ATP6AP2: variants seen among roughly 807,000 people sequenced by gnomAD.
ATP6AP2 encodes the protein ATPase H+ transporting accessory protein 2.
Under a neutral mutation model 23.4 loss-of-function variants are expected in ATP6AP2, and 1 was observed. The ratio of observed to expected loss-of-function variants is 0.04; its 90% CI spans 0.02 to 0.20. The LOEUF (loss-of-function observed/expected upper bound fraction) is 0.20, where lower values mean the gene tolerates loss of function less well. ATP6AP2 is among the 10% of genes least tolerant of loss of function. The pLI is 1.00. For missense variants in ATP6AP2, 174 were observed against 271.3 expected (o/e 0.64, Z 2.52); for synonymous variants, 90 against 97.1 (o/e 0.93, Z 0.43).
intron 1 of ATP6AP2, among the ~76,000 whole-genome samples, chrX:40,585,691 C>CA (rs1050291570): frequency 2.8e-5 from 3 of 108,996 alleles, no homozygotes; most frequent in East Asian, 5.8e-4. Flanking sequence ...CTGTCTCTAC[C>CA]AAAAAAATAC....
rs138952430 is a variant in ATP6AP2, at chrX:40,597,305, G to A, written c.357G>A (p.Glu119=). ...VANSIHSLFS[E]ETPVVLQLAP... is the part of the protein sequence containing the mutation. Reference sequence around the variant, plus strand: ...ATTCCATTCACTCCTTATTTTCTGAGGAAACTCCTGTTGTTTTGCAGTTGG... The same window carrying A: ...ATTCCATTCACTCCTTATTTTCTGAAGAAACTCCTGTTGTTTTGCAGTTGG... Residue 119 remains glutamate (E), a synonymous_variant, in exon 4 of 9, where the codon GAG becomes GAA. Coordinates refer to ENST00000636580, the MANE Select transcript of ATP6AP2 (RefSeq NM_005765.3). The A allele has an allele frequency of 2.5e-5, 30 of 1,205,884 alleles. No homozygotes were observed. In the African/African-American group the frequency reaches 5.1e-4, roughly 20 times the overall value.
In ATP6AP2 at chrX:40,603,672, A is replaced by T. The variant is rs148454706; in HGVS notation, c.859-1889A>T. 4.6e-3 allele frequency among the ~76,000 whole-genome samples: 505 copies of T among 110,536 alleles called. 4 individuals carry two copies. Among genetic ancestry groups the T allele is most frequent in the Middle Eastern group, 9.4e-3 (2 of 212 alleles). On this transcript the variant is annotated intron_variant, in intron 8 of 8. Transcript: ENST00000636580. Reference sequence around the variant, plus strand: ...GACTGCCGCCTCCTAACTTGTCTGAACTCATCTGTCTCTCTGCTTCCCAGC... The same window carrying T: ...GACTGCCGCCTCCTAACTTGTCTGATCTCATCTGTCTCTCTGCTTCCCAGC...
At chrX:40,602,627 G>A (rs1243565648) in intron 8 of ATP6AP2, among the ~76,000 whole-genome samples, 8 of 103,018 alleles carry the variant, frequency 7.8e-5, no homozygotes, top group African/African-American at 2.9e-4. Flanking sequence ...TCCAGCCTGG[G>A]TGACACAGTG....
At chrX:40,589,573 T>C (rs968363194) in intron 2 of ATP6AP2, 1 of 119,973 alleles carries the variant, frequency 8.3e-6, no homozygotes, top group African/African-American at 3.3e-5. Flanking sequence ...TTTTTTTTAG[T>C]ATAGGCGATA....
intron 6 of ATP6AP2, chrX:40,599,088 CAGTCA>C (rs1926841584): frequency 4.2e-6 from 1 of 239,382 alleles, no homozygotes; most frequent in Admixed American, 6.6e-5. Flanking sequence ...ATAATGCTGT[CAGTCA>C]AGTCAAGAAG....
At chrX:40,597,799 A>C in intron 5 of ATP6AP2, 135 bp downstream of exon 5, 1 of 662,901 alleles carries the variant, frequency 1.5e-6, no homozygotes, top group Non-Finnish European at 2.3e-6. Context: ...TGGCCTCCCA[A>C]AGTGCTGGGA....
chrX:40,605,808 A>G lies in ATP6AP2; in HGVS notation c.*53A>G. ...GGGGTTGGAAATTGGCTGTTTTGTT[A>G]AAATATATCTTTTAGTGTGCTTTAA... is the stretch of plus-strand genomic sequence containing the variant. On this transcript the variant is annotated 3_prime_UTR_variant, in exon 9 of 9. Transcript: ENST00000636580. The G allele has an allele frequency of 2.9e-6, 3 of 1,031,350 alleles. No homozygotes were observed. Among genetic ancestry groups the G allele is most frequent in the South Asian group, 3.8e-5 (2 of 52,498 alleles). 85.0% of individuals were successfully genotyped at this position (1,031,350 alleles called of 1,213,427 possible).
At chrX:40,588,254 C>T (rs1448780163) in intron 1 of ATP6AP2, among the ~76,000 whole-genome samples, 2 of 110,058 alleles carry the variant, frequency 1.8e-5, no homozygotes, top group African/African-American at 6.6e-5. Flanking sequence ...ACCCTCTTGA[C>T]ATGTCAACTA....
intron 3 of ATP6AP2, chrX:40,592,367 A>G (rs1315285461): frequency 8.9e-6 from 1 of 112,303 alleles, no homozygotes; most frequent in Non-Finnish European, 1.9e-5. Flanking sequence ...AAATTGTGAA[A>G]AAAAGGGCCA....
At chrX:40,581,271 C>G (rs770158244) in intron 1 of ATP6AP2, among the ~76,000 whole-genome samples, 169 bp downstream of exon 1, 2 of 113,392 alleles carry the variant, frequency 1.8e-5, no homozygotes, top group African/African-American at 6.4e-5. Context: ...CTGGATCGGC[C>G]GTGGCGGCGC....
At position 40,597,678 on chromosome X, in the gene ATP6AP2, T is replaced by G; in HGVS notation, c.534+14T>G. The G allele has an allele frequency of 8.4e-7, 1 of 1,188,069 alleles. No homozygotes were observed. Among genetic ancestry groups the G allele is most frequent in the Non-Finnish European group, 1.1e-6 (1 of 874,132 alleles). Reference sequence around the variant, plus strand: ...AGGAACAATGAAGTAAGTGCAGTTATTCAATGAATACATGAATATCATTAA... The same window carrying G: ...AGGAACAATGAAGTAAGTGCAGTTAGTCAATGAATACATGAATATCATTAA... On this transcript the variant is annotated intron_variant, in intron 5 of 8. Transcript: ENST00000636580.
intron 3 of ATP6AP2, 56 bp from the exon 4 acceptor site, chrX:40,597,193 A>C: frequency 3.2e-6 from 3 of 940,543 alleles, no homozygotes; most frequent in Non-Finnish European, 4.6e-6. Context: ...CATCTGAATG[A>C]TTTTTCTTCC....
intron 1 of ATP6AP2, among the ~76,000 whole-genome samples, chrX:40,584,263 G>A (rs138203872): frequency 0.021 from 2,257 of 109,871 alleles, 20 homozygotes; most frequent in Middle Eastern, 0.07. Flanking sequence ...TGTTTTTGTA[G>A]AGATGAGGTC....
At chrX:40,584,888 C>T (rs1602396523) in intron 1 of ATP6AP2, among the ~76,000 whole-genome samples, 2 of 111,100 alleles carry the variant, frequency 1.8e-5, no homozygotes, top group Non-Finnish European at 3.8e-5. Flanking sequence ...GGATTACAGG[C>T]ATGAGCCACC....
At chrX:40,587,615 C>T (rs948445188) in intron 1 of ATP6AP2, among the ~76,000 whole-genome samples, 6 of 112,556 alleles carry the variant, frequency 5.3e-5, no homozygotes, top group Non-Finnish European at 1.1e-4. Context: ...AAGAGAATAA[C>T]ACTGATTCTT....
At chrX:40,596,468 G>C (rs1457866353) in intron 3 of ATP6AP2, among the ~76,000 whole-genome samples, 1 of 111,045 alleles carries the variant, frequency 9.0e-6, no homozygotes, top group East Asian at 2.8e-4. Flanking sequence ...GGGGATAGAA[G>C]TCAGAATTTT....
chrX:40,605,431 A>T, intron 8 of ATP6AP2, 130 bp from the exon 9 acceptor site: 1 of 587,996 alleles, frequency 1.7e-6, no homozygotes, highest in Non-Finnish European at 2.7e-6. Flanking sequence ...GCTTCCTCCT[A>T]GTATAAGTAG....
chrX:40,599,934 A>C, intron 7 of ATP6AP2, 193 bp downstream of exon 7: 1 of 457,861 alleles, frequency 2.2e-6, no homozygotes, highest in Middle Eastern at 6.3e-4. Context: ...AATGCTAGAA[A>C]GAACAGCATT....
intron 3 of ATP6AP2, among the ~76,000 whole-genome samples, chrX:40,594,016 C>T (rs1305971254): frequency 9.0e-6 from 1 of 110,944 alleles, no homozygotes; most frequent in East Asian, 2.8e-4. Flanking sequence ...AAAATGGTGA[C>T]TATATTAAAT....
Sources: allele counts gnomAD v4.1 joint callset (sites outside exome capture counted in the v4.1 genomes callset), GRCh38; gene constraint gnomAD v4.1.1; transcripts MANE v1.5; gene names NCBI Gene and HGNC (gene_info 2026-07-23, HGNC 2026-07-21).